The following KLHL29 variants were observed in gnomAD, a reference collection of about 807,000 sequenced individuals.
KLHL29 encodes the protein kelch-like protein 29.
In KLHL29, 21 loss-of-function variants were observed where a neutral mutation model predicts 80.4. The observed-to-expected ratio is 0.26, with a 90% CI of 0.19 to 0.38. KLHL29 has a LOEUF of 0.38. KLHL29 is among the 10% of genes least tolerant of loss of function. The pLI is 1.00. For synonymous variants in KLHL29, 511 were observed against 526.8 expected, an observed-to-expected ratio of 0.97 and a Z score of 0.41; for missense variants, 867 against 1,223.9, an observed-to-expected ratio of 0.71 and a Z score of 4.35.
chr2:23,678,686 T>TA (rs1670988250), intron 5 of KLHL29, among the ~76,000 whole-genome samples: 1 of 152,192 alleles, frequency 6.6e-6, no homozygotes, highest in African/African-American at 2.4e-5. Context: ...GATGAATGGT[T>TA]AAACAGTATG....
intron 1 of KLHL29, among the ~76,000 whole-genome samples, chr2:23,431,922 A>AG (rs1663194058): frequency 1.4e-5 from 2 of 146,430 alleles, no homozygotes; most frequent in African/African-American, 5.1e-5. Flanking sequence ...AAAAAAAAAA[A>AG]GCAGTGAAAA....
At chr2:23,570,353 G>A (rs187798228) in intron 3 of KLHL29, among the ~76,000 whole-genome samples, 28 of 152,318 alleles carry the variant, frequency 1.8e-4, no homozygotes, top group Non-Finnish European at 3.5e-4. Flanking sequence ...CGAGGTGCAC[G>A]TCTCAATAGC....
intron 3 of KLHL29, among the ~76,000 whole-genome samples, chr2:23,568,470 A>G (rs1000310144): frequency 4.6e-5 from 7 of 152,172 alleles, no homozygotes; most frequent in Admixed American, 1.3e-4. Context: ...TGGTTGGCCA[A>G]CTGTTGGCCA....
At chr2:23,440,072 T>C (rs1663467626) in intron 1 of KLHL29, among the ~76,000 whole-genome samples, 1 of 151,948 alleles carries the variant, frequency 6.6e-6, no homozygotes, top group African/African-American at 2.4e-5. Flanking sequence ...GTAATGGCCT[T>C]CTTTGTCTCT....
intron 1 of KLHL29, among the ~76,000 whole-genome samples, chr2:23,409,177 C>A (rs1428528327): frequency 1.3e-5 from 2 of 152,148 alleles, no homozygotes; most frequent in Admixed American, 6.5e-5. Context: ...GAAGGACTTT[C>A]CATTCGCAGC....
At chr2:23,394,999 G>T (rs1188696987) in intron 1 of KLHL29, among the ~76,000 whole-genome samples, 1 of 152,178 alleles carries the variant, frequency 6.6e-6, no homozygotes, top group Non-Finnish European at 1.5e-5. Flanking sequence ...AACATCAATG[G>T]TTATTTCTGG....
chr2:23,506,837 G>T (rs1262838071), intron 2 of KLHL29, among the ~76,000 whole-genome samples: 2 of 152,270 alleles, frequency 1.3e-5, no homozygotes, highest in African/African-American at 4.8e-5. Context: ...AGAACCATGA[G>T]CCTGCCTTCT....
chr2:23,592,845 G>A (rs1668302346), intron 3 of KLHL29, among the ~76,000 whole-genome samples: 1 of 152,160 alleles, frequency 6.6e-6, no homozygotes, highest in Non-Finnish European at 1.5e-5. Context: ...CAGGTAAGCT[G>A]GTGTCCCCTC....
chr2:23,510,102 C>T (rs563124392), intron 2 of KLHL29, among the ~76,000 whole-genome samples: 3 of 152,018 alleles, frequency 2.0e-5, no homozygotes, highest in Admixed American at 6.5e-5. Flanking sequence ...GGAAATGAGA[C>T]GGAGGTGGAG....
rs1667464071 is a variant in KLHL29, at chr2:23,562,211, T to C, written c.15T>C (p.His5=). Reference sequence around the variant, plus strand: ...GGCCCACCGAGATGTCCCGGCACCATAGCCGCTTCGAAAGAGATTACCGGG... The same window carrying C: ...GGCCCACCGAGATGTCCCGGCACCACAGCCGCTTCGAAAGAGATTACCGGG... The part of the protein sequence containing the change: MSRH[H]SRFERDYRVG... The change falls in exon 3 of 14, where the codon CAT becomes CAC. Residue 5 remains histidine, a synonymous_variant. Transcript: ENST00000486442. The surrounding 1 kb of genome is among the most constrained non-coding windows in gnomAD (Gnocchi z 4.5). 3 of 1,550,558 alleles carry C rather than the reference T, an allele frequency of 1.9e-6. No individual in the cohort carries two copies. The highest frequency in any genetic ancestry group is 1.4e-5 in the African/African-American group (1 of 73,116).
At chr2:23,641,571 A>G (rs1669770354) in intron 4 of KLHL29, among the ~76,000 whole-genome samples, 1 of 152,156 alleles carries the variant, frequency 6.6e-6, no homozygotes, top group African/African-American at 2.4e-5. Context: ...ACCACATGCC[A>G]GACACTCTGC....
At chr2:23,632,574 G>A (rs1669496775) in intron 3 of KLHL29, among the ~76,000 whole-genome samples, 1 of 152,258 alleles carries the variant, frequency 6.6e-6, no homozygotes, top group Non-Finnish European at 1.5e-5. Flanking sequence ...GCTCGTAGCT[G>A]GTGTGATATG....
intron 2 of KLHL29, among the ~76,000 whole-genome samples, chr2:23,490,710 A>G (rs1665072667): frequency 6.6e-6 from 1 of 152,186 alleles, no homozygotes; most frequent in African/African-American, 2.4e-5. Flanking sequence ...TGGGGCTTGT[A>G]AAAGTGTTCA....
intron 3 of KLHL29, among the ~76,000 whole-genome samples, chr2:23,604,177 A>G (rs1668645886): frequency 6.6e-6 from 1 of 151,440 alleles, no homozygotes; most frequent in South Asian, 2.1e-4. Flanking sequence ...TTTGAGACAG[A>G]GTCTCACTCT....
intron 3 of KLHL29, among the ~76,000 whole-genome samples, chr2:23,588,845 A>T (rs150954606): frequency 7.6e-4 from 115 of 152,226 alleles, no homozygotes; most frequent in African/African-American, 2.6e-3. Flanking sequence ...GACAAGTCTC[A>T]CCCAGAGCTC....
chr2:23,532,130 C>T (rs1010883604), intron 2 of KLHL29, among the ~76,000 whole-genome samples: 14 of 152,308 alleles, frequency 9.2e-5, no homozygotes, highest in African/African-American at 3.4e-4. Context: ...TCCACTGGGG[C>T]CATGCCTGGG....
intron 2 of KLHL29, among the ~76,000 whole-genome samples, chr2:23,534,341 C>T (rs1380891909): frequency 2.6e-5 from 4 of 152,104 alleles, no homozygotes; most frequent in African/African-American, 9.7e-5. Flanking sequence ...TAGCCCAATG[C>T]CTGTTCCTTA....
At chr2:23,411,732 G>T (rs1666864511) in intron 1 of KLHL29, among the ~76,000 whole-genome samples, 1 of 152,120 alleles carries the variant, frequency 6.6e-6, no homozygotes, top group Non-Finnish European at 1.5e-5. Flanking sequence ...CCAGATGTGG[G>T]CATGGCAGCT....
chr2:23,385,372 G>C lies in KLHL29; in HGVS notation c.-562G>C, dbSNP rs1047712600. The C allele has an allele frequency of 1.4e-5, 2 of 146,680 alleles. No individual in the cohort carries two copies. Among genetic ancestry groups the C allele is most frequent in the South Asian group, 1.8e-4 (1 of 5,572 alleles). The allele number at this position is 146,680 out of a possible 1,614,324, so 9.1% of individuals were successfully genotyped here. A position where few individuals can be genotyped will look rare whatever the true frequency, so the allele number is the denominator to read the frequency against. ...TGAGCGCAGCCCCCGCCCGGAGCCC[G>C]AGCCGCGAGCCCGGAGCCAGCCCCA... On this transcript the variant is annotated 5_prime_UTR_variant, in exon 1 of 14. Coordinates refer to ENST00000486442, the MANE Select transcript of KLHL29 (RefSeq NM_052920.2).
Sources: gnomAD v4.1 joint callset for allele counts (sites outside exome capture counted in the v4.1 genomes callset) on GRCh38, gnomAD v4.1.1 for gene constraint, Gnocchi (gnomAD v3.1) non-coding constraint, MANE v1.5 for transcripts, NCBI Gene and HGNC (gene_info 2026-07-23, HGNC 2026-07-21) for gene names.